Variants in ZNF737 observed in about 807,000 individuals in gnomAD.
ZNF737 encodes zinc finger protein 737.
In ZNF737, 13 loss-of-function variants were observed where a neutral mutation model predicts 11.7. That is an observed-to-expected ratio of 1.11 (90% CI 0.73 to 1.77). The LOEUF (loss-of-function observed/expected upper bound fraction) is 1.77, where lower values mean the gene tolerates loss of function less well. Ranked by LOEUF, ZNF737 falls within the 40% of genes most tolerant of loss-of-function variation. ZNF737 has a pLI of 0.00. For missense variants in ZNF737, 636 were observed against 638.0 expected, an observed-to-expected ratio of 1.00 and a Z score of 0.03; for synonymous variants, 217 against 216.2, an observed-to-expected ratio of 1.00 and a Z score of -0.03.
chr19:20,552,817 G>A (rs573747362), intron 2 of ZNF737, among the ~76,000 whole-genome samples: 1 of 151,924 alleles, frequency 6.6e-6, no homozygotes, highest in Non-Finnish European at 1.5e-5. Context: ...TTAGAGACCA[G>A]CCTGGCCAGC....
At chr19:20,562,222 G>A (rs527597448) in intron 1 of ZNF737, among the ~76,000 whole-genome samples, 2 of 152,080 alleles carry the variant, frequency 1.3e-5, no homozygotes, top group South Asian at 4.1e-4. Context: ...CACCCAGGCT[G>A]GAGTGCAGTG....
intron 1 of ZNF737, among the ~76,000 whole-genome samples, chr19:20,558,249 C>T (rs1350125273): frequency 2.7e-5 from 4 of 150,154 alleles, no homozygotes; most frequent in Admixed American, 2.7e-4. Flanking sequence ...CACACAACTG[C>T]ACTCCAGCCT....
In ZNF737 at chr19:20,541,263, A is replaced by C; in HGVS notation, c.*3329T>G. ...AAAATATGTACAAACCTATACTCAC[A>C]CAAAAACACTCAATTCATAATTTTC... On this transcript the variant is annotated 3_prime_UTR_variant, in exon 4 of 4. Transcript: ENST00000427401. The C allele has an allele frequency of 1.0e-6, 1 of 984,756 alleles. No individual in the cohort carries two copies. Among genetic ancestry groups the C allele is most frequent in the African/African-American group, 1.7e-5 (1 of 57,350 alleles). 61.0% of individuals were successfully genotyped at this position (984,756 alleles called of 1,614,324 possible).
At chr19:20,561,311 A>C (rs1441206266) in intron 1 of ZNF737, among the ~76,000 whole-genome samples, 3 of 152,140 alleles carry the variant, frequency 2.0e-5, no homozygotes, top group African/African-American at 7.2e-5. Flanking sequence ...TCTTGGCAAG[A>C]AACACTAGGA....
In ZNF737 at chr19:20,542,607, T is replaced by C. The variant is rs1968258778; in HGVS notation, c.*1985A>G. 1 of 971,594 alleles carries C rather than the reference T, an allele frequency of 1.0e-6. No homozygotes were observed. Among genetic ancestry groups the C allele is most frequent in the African/African-American group, 1.8e-5 (1 of 57,072 alleles). The allele number at this position is 971,594 out of a possible 1,614,324, so 60.2% of individuals were successfully genotyped here. The stretch of plus-strand genomic sequence containing the variant: ...AAAGTAATATACTCATTTATTTTAA[T>C]ATACTTTTAATTATTTCTTTGTGTC... On this transcript the variant is annotated 3_prime_UTR_variant, in exon 4 of 4. Coordinates refer to ENST00000427401, the MANE Select transcript of ZNF737 (RefSeq NM_001159293.2).
downstream of ZNF737, among the ~76,000 whole-genome samples, chr19:20,536,972 G>A (rs150411729): frequency 6.5e-3 from 978 of 151,612 alleles, 8 homozygotes; most frequent in African/African-American, 0.022. Flanking sequence ...GCGTGGTGGC[G>A]GGTGCCTGTA....
chr19:20,565,614 G>C (rs782489658), intron 1 of ZNF737, 24 bp downstream of exon 1: 15 of 1,614,012 alleles, frequency 9.3e-6, no homozygotes, highest in Non-Finnish European at 1.7e-6. Flanking sequence ...CCCCTCTCTC[G>C]GGATGTCGGA....
At chr19:20,535,050 G>A (rs1271304394), downstream of ZNF737, among the ~76,000 whole-genome samples, 2 of 149,922 alleles carry the variant, frequency 1.3e-5, no homozygotes, top group Admixed American at 1.3e-4. Flanking sequence ...AAGAAGGAAA[G>A]GAAGAAAGAA....
At chr19:20,564,231 T>C (rs2144713178) in intron 1 of ZNF737, 2 of 152,240 alleles carry the variant, frequency 1.3e-5, no homozygotes, top group East Asian at 3.9e-4. Context: ...TTCTAGAAGG[T>C]ACCATGTTTC....
Position 20,541,083 on chromosome 19 carries a change from G to T in ZNF737, c.*3509C>A. 1 of 985,118 alleles carries T rather than the reference G, an allele frequency of 1.0e-6. No homozygotes were observed. The highest frequency in any genetic ancestry group is 1.2e-6 in the Non-Finnish European group (1 of 829,812). 61.0% of individuals were successfully genotyped at this position (985,118 alleles called of 1,614,324 possible). A position where few individuals can be genotyped will look rare whatever the true frequency, so the allele number is the denominator to read the frequency against. ...CCTGTGCTTTAATAGGCAGACTCTG[G>T]GGAGAATCCGAATCACAGGCCAGAA... is the stretch of plus-strand genomic sequence containing the variant. On this transcript the variant is annotated 3_prime_UTR_variant, in exon 4 of 4. Coordinates refer to ENST00000427401, the MANE Select transcript of ZNF737 (RefSeq NM_001159293.2).
At chr19:20,537,509 C>CTCT (rs1172290847), downstream of ZNF737, among the ~76,000 whole-genome samples, 1 of 58,478 alleles carries the variant, frequency 1.7e-5, no homozygotes, top group Admixed American at 2.0e-4. Flanking sequence ...GCCTGGTTTT[C>CTCT]TATTTTTTTT....
downstream of ZNF737, among the ~76,000 whole-genome samples, chr19:20,531,752 C>T (rs1229569420): frequency 2.0e-5 from 3 of 149,928 alleles, no homozygotes; most frequent in Non-Finnish European, 4.4e-5. Flanking sequence ...GCCACAGCAC[C>T]CAGCTGGAAA....
chr19:20,557,984 G>A (rs1254646122), intron 1 of ZNF737, among the ~76,000 whole-genome samples: 1 of 151,980 alleles, frequency 6.6e-6, no homozygotes, highest in South Asian at 2.1e-4. Flanking sequence ...AAATTATATG[G>A]CCAGGAGTGG....
chr19:20,539,062 G>A lies in ZNF737; in HGVS notation c.*5530C>T. On this transcript the variant is annotated 3_prime_UTR_variant, in exon 4 of 4. Transcript: ENST00000427401. ...TGTAATCCCAGCACTCTGGGAGGCTGAGGTGGATGGATCACCTGAGGTCAG... is the reference window on the plus strand; with the variant it reads ...TGTAATCCCAGCACTCTGGGAGGCTAAGGTGGATGGATCACCTGAGGTCAG... 12 of 887,946 alleles carry A rather than the reference G, an allele frequency of 1.4e-5. No homozygotes were observed. The highest frequency in any genetic ancestry group is 1.6e-5 in the Non-Finnish European group (12 of 741,262). 55.0% of individuals were successfully genotyped at this position (887,946 alleles called of 1,614,324 possible). A position where few individuals can be genotyped will look rare whatever the true frequency, so the allele number is the denominator to read the frequency against.
At chr19:20,552,332 G>GAAAA in intron 3 of ZNF737, 143 bp downstream of exon 3, 7 of 336,308 alleles carry the variant, frequency 2.1e-5, no homozygotes, top group South Asian at 7.4e-5. Flanking sequence ...ATTTAAAAAA[G>GAAAA]AAAAAAAAAA....
Position 20,541,951 on chromosome 19 carries a change from ATAT to A in ZNF737, c.*2638_*2640del, listed in dbSNP as rs1461262242. On this transcript the variant is annotated 3_prime_UTR_variant, in exon 4 of 4. Transcript: ENST00000427401. ...CCATATAAGGCATAAATATATACAC[ATAT>A]TATATACCCACGAATACAAATAAAA... 8 of 882,576 alleles carry A rather than the reference ATAT, an allele frequency of 9.1e-6. No individual in the cohort carries two copies. The highest frequency in any genetic ancestry group is 8.1e-6 in the Non-Finnish European group (6 of 736,950). 54.7% of individuals were successfully genotyped at this position (882,576 alleles called of 1,614,324 possible). A position where few individuals can be genotyped will look rare whatever the true frequency, so the allele number is the denominator to read the frequency against.
rs367628595 is a variant in ZNF737 at position 20,540,727 on chromosome 19, C to A, written c.*3865G>T. ...TGAGCTGAGATCACGCCACTGCTCTCCAGCCTGGAAGACAGAGCAACACTC... is the reference window on the plus strand; with the variant it reads ...TGAGCTGAGATCACGCCACTGCTCTACAGCCTGGAAGACAGAGCAACACTC... On this transcript the variant is annotated 3_prime_UTR_variant, in exon 4 of 4. Coordinates refer to ENST00000427401, the MANE Select transcript of ZNF737 (RefSeq NM_001159293.2). 2 of 804,886 alleles carry A rather than the reference C, an allele frequency of 2.5e-6. No homozygotes were observed. Among genetic ancestry groups the A allele is most frequent in the Non-Finnish European group, 3.0e-6 (2 of 666,084 alleles). The allele number at this position is 804,886 out of a possible 1,614,324, so 49.9% of individuals were successfully genotyped here. A position where few individuals can be genotyped will look rare whatever the true frequency, so the allele number is the denominator to read the frequency against.
intron 1 of ZNF737, among the ~76,000 whole-genome samples, chr19:20,558,974 C>T (rs1261563756): frequency 6.6e-6 from 1 of 152,194 alleles, no homozygotes; most frequent in African/African-American, 2.4e-5. Context: ...GAATAACTAC[C>T]TAGCACTATG....
rs1014129605 is a variant in ZNF737, at chr19:20,542,231, A to G, written c.*2361T>C. 13 of 974,456 alleles carry G rather than the reference A, an allele frequency of 1.3e-5. No homozygotes were observed. Among genetic ancestry groups the G allele is most frequent in the African/African-American group, 1.9e-5 (1 of 53,974 alleles). The allele number at this position is 974,456 out of a possible 1,614,324, so 60.4% of individuals were successfully genotyped here. A position where few individuals can be genotyped will look rare whatever the true frequency, so the allele number is the denominator to read the frequency against. On this transcript the variant is annotated 3_prime_UTR_variant, in exon 4 of 4. Coordinates refer to ENST00000427401, the MANE Select transcript of ZNF737 (RefSeq NM_001159293.2). ...AATTAAGTTCACAAATAATCTAACA[A>G]ACTTTTTTTTTTTTGAGACAGAGTT... is the stretch of plus-strand genomic sequence containing the variant.
Sources: gnomAD v4.1 joint callset for allele counts (sites outside exome capture counted in the v4.1 genomes callset) on GRCh38, gnomAD v4.1.1 for gene constraint, MANE v1.5 for transcripts, NCBI Gene and HGNC (gene_info 2026-07-23, HGNC 2026-07-21) for gene names.